SPAG16: variants seen among roughly 807,000 people sequenced by gnomAD.
SPAG16 encodes sperm-associated antigen 16 protein.
SPAG16 carries 86 observed loss-of-function variants against 80.4 expected under a neutral mutation model. The ratio of observed to expected loss-of-function variants is 1.07; its 90% CI spans 0.90 to 1.28. The LOEUF is 1.28. SPAG16 is among the 50% of genes most tolerant of loss of function. The pLI, the probability that SPAG16 is intolerant of heterozygous loss-of-function variation, is 0.00. For missense variants in SPAG16, 870 were observed against 765.3 expected, an observed-to-expected ratio of 1.14 and a Z score of -1.61; for synonymous variants, 294 against 265.9, an observed-to-expected ratio of 1.11 and a Z score of -1.03.
At chr2:213,872,641 A>G (rs2075997839) in intron 11 of SPAG16, among the ~76,000 whole-genome samples, 1 of 152,164 alleles carries the variant, frequency 6.6e-6, no homozygotes, top group Non-Finnish European at 1.5e-5. Flanking sequence ...AGAAGTGACA[A>G]ATGAAGACAT....
chr2:214,091,003 T>C (rs143654662), intron 13 of SPAG16, among the ~76,000 whole-genome samples: 1 of 152,182 alleles, frequency 6.6e-6, no homozygotes, highest in African/African-American at 2.4e-5. Context: ...AAGTCTGTCT[T>C]GAGGTCATAA....
intron 10 of SPAG16, among the ~76,000 whole-genome samples, chr2:213,732,804 T>C (rs2067110915): frequency 1.3e-5 from 2 of 152,202 alleles, no homozygotes; most frequent in Admixed American, 1.3e-4. Flanking sequence ...TGAGTTCATG[T>C]CTTTGTTATT....
In SPAG16 at chr2:213,747,663, C is replaced by T. The variant is rs1407139319; in HGVS notation, c.1071-114822C>T. ...ATACAGGTTTGTAGGCTAGGAGCAA[C>T]AGGCTAGACCATATAGCCTAGGTGT... On this transcript the variant is annotated intron_variant, in intron 10 of 15. Transcript: ENST00000331683. 3.3e-5 allele frequency among the ~76,000 whole-genome samples: 5 copies of T among 152,350 alleles called. No individual in the cohort carries two copies. The East Asian group carries it at 9.6e-4, about 29-fold the overall frequency.
intron 10 of SPAG16, among the ~76,000 whole-genome samples, chr2:213,536,068 G>C (rs954345933): frequency 1.3e-5 from 2 of 152,008 alleles, no homozygotes; most frequent in African/African-American, 4.8e-5. Context: ...TATGTTTAAG[G>C]TTTGTGTATT....
intron 10 of SPAG16, among the ~76,000 whole-genome samples, chr2:213,857,589 C>T (rs2075231765): frequency 1.3e-5 from 2 of 152,160 alleles, no homozygotes; most frequent in African/African-American, 2.4e-5. Flanking sequence ...TATTACTTCC[C>T]ATTTAAAATT....
chr2:213,469,433 G>A (rs2072941013), intron 9 of SPAG16, among the ~76,000 whole-genome samples: 1 of 152,118 alleles, frequency 6.6e-6, no homozygotes, highest in Non-Finnish European at 1.5e-5. Flanking sequence ...TGTTTTTAAT[G>A]AAAGAAGGAG....
Position 213,892,269 on chromosome 2 carries a change from A to G in SPAG16, c.1214+29641A>G, listed in dbSNP as rs146739376. 2.3e-3 allele frequency among the ~76,000 whole-genome samples: 355 copies of G among 152,290 alleles called. 1 individual carries two copies. The highest frequency in any genetic ancestry group is 8.2e-3 in the African/African-American group (339 of 41,566). Reference sequence around the variant, plus strand: ...CCAAGGCAAACCTGGGCTGAAGGCTACCACCCAGAGCTGAAAAGGAGGTGA... The same window carrying G: ...CCAAGGCAAACCTGGGCTGAAGGCTGCCACCCAGAGCTGAAAAGGAGGTGA... On this transcript the variant is annotated intron_variant, in intron 11 of 15. Transcript: ENST00000331683.
At chr2:213,883,511 G>T (rs2106038766) in intron 11 of SPAG16, among the ~76,000 whole-genome samples, 1 of 152,266 alleles carries the variant, frequency 6.6e-6, no homozygotes, top group South Asian at 2.1e-4. Context: ...ATGTTCAGTA[G>T]ATGTTTATTA....
At chr2:214,285,326 T>G (rs1693271907) in intron 15 of SPAG16, among the ~76,000 whole-genome samples, 1 of 152,156 alleles carries the variant, frequency 6.6e-6, no homozygotes, top group African/African-American at 2.4e-5. Flanking sequence ...TTATTTGAGG[T>G]TTTGTTTTTT....
intron 13 of SPAG16, among the ~76,000 whole-genome samples, chr2:214,043,318 A>G (rs566094910): frequency 1.3e-5 from 2 of 152,254 alleles, no homozygotes; most frequent in South Asian, 2.1e-4. Context: ...CATCTTGTGA[A>G]GTGCATTTCA....
intron 11 of SPAG16, among the ~76,000 whole-genome samples, chr2:213,906,044 A>G (rs1406562552): frequency 6.6e-6 from 1 of 152,118 alleles, no homozygotes; most frequent in Non-Finnish European, 1.5e-5. Flanking sequence ...CTAAATTCCA[A>G]ATATCTTACC....
At chr2:213,774,927 A>G (rs2069478418) in intron 10 of SPAG16, among the ~76,000 whole-genome samples, 1 of 152,146 alleles carries the variant, frequency 6.6e-6, no homozygotes, top group Non-Finnish European at 1.5e-5. Context: ...GGGTTTTCTC[A>G]TATCTCCTAC....
In SPAG16 at chr2:213,413,907, A is replaced by G. The variant is rs377031266; in HGVS notation, c.942+38788A>G. ...TTTTTTGGGATATTTCACAGTGCAA[A>G]CAAAGTTATGACAGATTGATCAGAA... On this transcript the variant is annotated intron_variant, in intron 9 of 15. Transcript: ENST00000331683. Among the ~76,000 whole-genome samples, 3 of 152,176 alleles carry G rather than the reference A, an allele frequency of 2.0e-5. No individual in the cohort carries two copies. The South Asian group carries it at 6.2e-4, about 31-fold the overall frequency.
intron 13 of SPAG16, among the ~76,000 whole-genome samples, chr2:214,091,931 C>T (rs1263810149): frequency 6.6e-6 from 1 of 152,032 alleles, no homozygotes; most frequent in Non-Finnish European, 1.5e-5. Context: ...CCAAGAACAA[C>T]AGCAAAAATC....
intron 9 of SPAG16, among the ~76,000 whole-genome samples, chr2:213,384,229 C>T (rs1329331828): frequency 2.6e-5 from 4 of 152,150 alleles, no homozygotes; most frequent in Admixed American, 1.3e-4. Flanking sequence ...TTTTTATGAA[C>T]TTGACAGGGA....
chr2:213,998,687 G>A (rs2046643673), intron 12 of SPAG16, among the ~76,000 whole-genome samples: 1 of 152,164 alleles, frequency 6.6e-6, no homozygotes, highest in Non-Finnish European at 1.5e-5. Context: ...AGGAAAATGT[G>A]GGAAAGTTTG....
At chr2:214,331,322 T>C (rs1559218807) in intron 15 of SPAG16, among the ~76,000 whole-genome samples, 2 of 152,184 alleles carry the variant, frequency 1.3e-5, no homozygotes, top group African/African-American at 2.4e-5. Flanking sequence ...CAAGGTCAGT[T>C]ACTCCAGCCA....
chr2:214,384,489 C>T (rs1700638562), intron 15 of SPAG16, among the ~76,000 whole-genome samples: 1 of 152,186 alleles, frequency 6.6e-6, no homozygotes, highest in South Asian at 2.1e-4. Flanking sequence ...AGAGTAGTGC[C>T]ATATTTCATA....
At chr2:213,654,590 G>A (rs962632675) in intron 10 of SPAG16, among the ~76,000 whole-genome samples, 20 of 146,636 alleles carry the variant, frequency 1.4e-4, no homozygotes, top group African/African-American at 1.8e-4. Flanking sequence ...GGTGGTGGGC[G>A]CCTGTAGTCC....
Sources: allele counts gnomAD v4.1 joint callset (sites outside exome capture counted in the v4.1 genomes callset), GRCh38; gene constraint gnomAD v4.1.1; transcripts MANE v1.5; gene names NCBI Gene and HGNC (gene_info 2026-07-23, HGNC 2026-07-21).